VAV2: variants seen among roughly 807,000 people sequenced by gnomAD.
VAV2 encodes the protein vav guanine nucleotide exchange factor 2.
Under a neutral mutation model 132.5 loss-of-function variants are expected in VAV2, and 67 were observed. The observed-to-expected ratio is 0.51, with a 90% CI of 0.42 to 0.62. VAV2 has a LOEUF of 0.62. Among genes scored for constraint, VAV2 ranks in the 20% least tolerant of loss-of-function variants. The pLI is 0.00. For synonymous variants in VAV2, 492 were observed against 443.5 expected, an observed-to-expected ratio of 1.11 and a Z score of -1.37; for missense variants, 938 against 1,153.6, an observed-to-expected ratio of 0.81 and a Z score of 2.71.
intron 3 of VAV2, among the ~76,000 whole-genome samples, chr9:133,843,029 C>T (rs1248520160): frequency 1.3e-5 from 2 of 152,222 alleles, no homozygotes; most frequent in African/African-American, 4.8e-5. Context: ...TGCTAAACAG[C>T]TCCAACTGTC....
At chr9:133,943,503 A>AC (rs1273378112) in intron 1 of VAV2, among the ~76,000 whole-genome samples, 5 of 151,806 alleles carry the variant, frequency 3.3e-5, no homozygotes, top group South Asian at 2.1e-4. Context: ...GGCCTTCGGG[A>AC]CCCCCCACAA....
chr9:133,765,946 A>G (rs1833417168), intron 29 of VAV2, among the ~76,000 whole-genome samples: 1 of 152,252 alleles, frequency 6.6e-6, no homozygotes, highest in South Asian at 2.1e-4. Context: ...ATTTTGTTTC[A>G]AAATTATGTT....
At position 133,776,055 on chromosome 9, in the gene VAV2, C is replaced by T. The variant is rs147799977; in HGVS notation, c.1991G>A (p.Arg664Gln). The T allele has an allele frequency of 1.1e-3, 1,844 of 1,613,044 alleles. 4 individuals carry two copies. Among genetic ancestry groups the T allele is most frequent in the Non-Finnish European group, 1.4e-3 (1,659 of 1,179,674 alleles). Residue 664 changes from arginine to glutamine, a missense_variant, in exon 24 of 30, where the codon CGG becomes CAG. Transcript: ENST00000371850. ...GGGGTATGCAGTGTAGTCGATCTCC[C>T]GGGATGGCGGCCGGCTGATGGGCGG... ...GRPPISRPPS[R>Q]EIDYTAYPWF...
At chr9:133,964,004 T>TA (rs983724923) in intron 1 of VAV2, among the ~76,000 whole-genome samples, 13 of 130,858 alleles carry the variant, frequency 9.9e-5, no homozygotes, top group Admixed American at 5.1e-4. Context: ...TAGTAAACTT[T>TA]AAAAAAAATT....
rs564233110 is a variant in VAV2 at position 133,768,174 on chromosome 9, G to A, written c.2589+268C>T. 4.6e-5 allele frequency among the ~76,000 whole-genome samples: 7 copies of A among 152,058 alleles called. No individual in the cohort carries two copies. The highest frequency in any genetic ancestry group is 2.1e-4 in the South Asian group (1 of 4,820). On this transcript the variant is annotated intron_variant, in intron 29 of 29. Transcript: ENST00000371850. This position sits in a 1 kb window ranked among gnomAD's most constrained non-coding sequence, Gnocchi z 5.3. ...CCCAGAATAAAAATGGAACAGGGTCGGGGGGTTCCTAGGAGCCTGGATCCG... is the reference window on the plus strand; with the variant it reads ...CCCAGAATAAAAATGGAACAGGGTCAGGGGGTTCCTAGGAGCCTGGATCCG...
At chr9:133,874,885 G>T (rs540466744) in intron 2 of VAV2, among the ~76,000 whole-genome samples, 1 of 152,290 alleles carries the variant, frequency 6.6e-6, no homozygotes, top group African/African-American at 2.4e-5. Flanking sequence ...ATGGAGCCAG[G>T]CGCTGTGCAT....
chr9:133,855,231 C>T (rs1260183571), intron 3 of VAV2, among the ~76,000 whole-genome samples: 2 of 152,242 alleles, frequency 1.3e-5, no homozygotes, highest in South Asian at 2.1e-4. Context: ...TTCACCTTGG[C>T]TCACAGTGTG....
chr9:133,879,747 G>A lies in VAV2; in HGVS notation c.322-18315C>T, dbSNP rs768220493. On this transcript the variant is annotated intron_variant, in intron 2 of 29. Coordinates refer to ENST00000371850, the MANE Select transcript of VAV2 (RefSeq NM_001134398.2). The surrounding 1 kb of genome is among the most constrained non-coding windows in gnomAD (Gnocchi z 4.4). ...GAGAATCCCTACCGCCTTGCGAGCT[G>A]CAAGTCCGATCTGTGCAATGTGAGC... Among the ~76,000 whole-genome samples the A allele has an allele frequency of 6.6e-6, 1 of 152,144 alleles. No individual in the cohort carries two copies. The highest frequency in any genetic ancestry group is 2.4e-5 in the African/African-American group (1 of 41,496).
chr9:133,980,045 G>A (rs2132287124), intron 1 of VAV2, among the ~76,000 whole-genome samples: 1 of 152,358 alleles, frequency 6.6e-6, no homozygotes, highest in African/African-American at 2.4e-5. Flanking sequence ...CACAGAGTAG[G>A]GTGGAGAACA....
rs942325422 is a variant in VAV2, at chr9:133,883,100, C to A, written c.322-21668G>T. Among the ~76,000 whole-genome samples, 2 of 152,192 alleles carry A rather than the reference C, an allele frequency of 1.3e-5. No homozygotes were observed. Among genetic ancestry groups the A allele is most frequent in the Non-Finnish European group, 2.9e-5 (2 of 68,026 alleles). ...CCCAGGCTCCATCCCTATGTCCCCA[C>A]CCCCTGCTGCTCTCTCTGGATCCTT... On this transcript the variant is annotated intron_variant, in intron 2 of 29. Transcript: ENST00000371850. The surrounding 1 kb of genome is among the most constrained non-coding windows in gnomAD (Gnocchi z 4.2).
At chr9:133,816,856 G>A (rs1835579066) in intron 4 of VAV2, among the ~76,000 whole-genome samples, 2 of 152,180 alleles carry the variant, frequency 1.3e-5, no homozygotes, top group Admixed American at 1.3e-4. Context: ...CCATCTATTT[G>A]TCTATCTTTA....
intron 3 of VAV2, among the ~76,000 whole-genome samples, chr9:133,842,620 T>C (rs1588255418): frequency 6.7e-6 from 1 of 148,954 alleles, no homozygotes; most frequent in Non-Finnish European, 1.5e-5. Context: ...TATCGGGGGG[T>C]GGTGGGGGCC....
At chr9:133,895,100 G>A (rs960948407) in intron 2 of VAV2, among the ~76,000 whole-genome samples, 9 of 152,108 alleles carry the variant, frequency 5.9e-5, no homozygotes, top group African/African-American at 9.7e-5. Context: ...ACCGAGGGCC[G>A]CCCGCAGGAG....
At chr9:133,801,069 A>G (rs1834909405) in intron 9 of VAV2, among the ~76,000 whole-genome samples, 1 of 152,136 alleles carries the variant, frequency 6.6e-6, no homozygotes, top group Admixed American at 6.5e-5. Flanking sequence ...ACTCATCCCC[A>G]TACCCCAGCA....
At chr9:133,944,788 TG>T (rs1201510829) in intron 1 of VAV2, among the ~76,000 whole-genome samples, 5 of 152,358 alleles carry the variant, frequency 3.3e-5, no homozygotes, top group African/African-American at 1.2e-4. Context: ...GGCTGACTCC[TG>T]GGCCCCAGCT....
intron 1 of VAV2, among the ~76,000 whole-genome samples, chr9:133,943,900 G>C (rs1841265099): frequency 6.6e-6 from 1 of 152,240 alleles, no homozygotes; most frequent in Non-Finnish European, 1.5e-5. Context: ...GGTGACACAG[G>C]CTCCATGCCC....
intron 3 of VAV2, among the ~76,000 whole-genome samples, chr9:133,846,762 G>A (rs969758711): frequency 6.6e-6 from 1 of 152,200 alleles, no homozygotes; most frequent in Non-Finnish European, 1.5e-5. Context: ...ACCGTGTCCC[G>A]GGAACTCTGG....
At chr9:133,868,724 G>A (rs116526839) in intron 2 of VAV2, among the ~76,000 whole-genome samples, 2,704 of 152,306 alleles carry the variant, frequency 0.018, 43 homozygotes, top group African/African-American at 0.036. Flanking sequence ...TGGGAATGCC[G>A]CTCTGGCCCG....
intron 2 of VAV2, among the ~76,000 whole-genome samples, chr9:133,877,925 G>A (rs1377204837): frequency 1.3e-5 from 2 of 152,200 alleles, no homozygotes; most frequent in African/African-American, 2.4e-5. Context: ...AGGAAGGTGC[G>A]TGAATCTCCT....
Sources: gnomAD v4.1 joint callset for allele counts (sites outside exome capture counted in the v4.1 genomes callset) on GRCh38, gnomAD v4.1.1 for gene constraint, Gnocchi (gnomAD v3.1) non-coding constraint, MANE v1.5 for transcripts, NCBI Gene and HGNC (gene_info 2026-07-23, HGNC 2026-07-21) for gene names.